Variants in SASH1 observed in about 807,000 individuals in gnomAD.
SASH1 encodes the protein SAM and SH3 domain-containing protein 1.
SASH1 carries 44 observed loss-of-function variants against 125.2 expected under a neutral mutation model. The ratio of observed to expected loss-of-function variants is 0.35; its 90% confidence interval spans 0.28 to 0.45. SASH1 has a LOEUF of 0.45. SASH1 is among the 20% of genes least tolerant of loss of function. The probability of loss-of-function intolerance (pLI) is 1.00; values close to 1 mark genes in which losing one functional copy is unlikely to be tolerated. For synonymous variants in SASH1, 639 were observed against 649.1 expected (o/e 0.98, Z 0.24); for missense variants, 1,426 against 1,614.5 (o/e 0.88, Z 2.00).
At chr6:148,273,879 G>A (rs1437184254) in intron 1 of SASH1, among the ~76,000 whole-genome samples, 2 of 152,206 alleles carry the variant, frequency 1.3e-5, no homozygotes, top group African/African-American at 4.8e-5. Context: ...CTTGTTGAAT[G>A]AAAGTAGAAT....
At chr6:148,376,289 G>GAAC (rs1489541349) in intron 1 of SASH1, among the ~76,000 whole-genome samples, 1 of 151,998 alleles carries the variant, frequency 6.6e-6, no homozygotes, top group Non-Finnish European at 1.5e-5. Flanking sequence ...GGCTGGTCTT[G>GAAC]AACTCCTGAC....
the SASH1 span, among the ~76,000 whole-genome samples, chr6:148,237,977 A>G: frequency 6.6e-6 from 1 of 152,296 alleles, no homozygotes; most frequent in South Asian, 2.1e-4. Flanking sequence ...GTACCATGAG[A>G]ATAGCACACC....
intron 4 of SASH1, among the ~76,000 whole-genome samples, chr6:148,461,843 ATTAC>A (rs900817843): frequency 4.6e-5 from 7 of 152,242 alleles, no homozygotes; most frequent in African/African-American, 1.7e-4. Context: ...AAATTGAGGA[ATTAC>A]TTCTTTAACA....
Position 148,549,880 on chromosome 6 carries a change from G to GCTCA in SASH1, c.*1325_*1328dup. 1 of 237,204 alleles carries GCTCA rather than the reference G, an allele frequency of 4.2e-6. No individual in the cohort carries two copies. The highest frequency in any genetic ancestry group is 7.6e-5 in the East Asian group (1 of 13,226). 14.7% of individuals were successfully genotyped at this position (237,204 alleles called of 1,614,324 possible). A position where few individuals can be genotyped will look rare whatever the true frequency, so the allele number is the denominator to read the frequency against. On this transcript the variant is annotated 3_prime_UTR_variant, in exon 20 of 20. Coordinates refer to ENST00000367467, the MANE Select transcript of SASH1 (RefSeq NM_015278.5). ...GCTGGAGTGCAATGGCACGATCTTGGCTCACTGCAACCTCAGTCTCCCAGG... is the reference window on the plus strand; with the variant it reads ...GCTGGAGTGCAATGGCACGATCTTGGCTCACTCACTGCAACCTCAGTCTCCCAGG...
chr6:148,470,469 G>T (rs777335457), intron 5 of SASH1, among the ~76,000 whole-genome samples: 16 of 152,186 alleles, frequency 1.1e-4, no homozygotes, highest in Admixed American at 1.3e-4. Context: ...TTTTGAATGT[G>T]CCACATCAGC....
At chr6:148,338,322 G>A (rs1781222996), upstream of SASH1, among the ~76,000 whole-genome samples, 1 of 151,214 alleles carries the variant, frequency 6.6e-6, no homozygotes, top group South Asian at 2.1e-4. Flanking sequence ...AGCTACTGGG[G>A]AGACTGAGGC....
At chr6:148,255,190 C>G in the SASH1 span, among the ~76,000 whole-genome samples, 2,888 of 152,236 alleles carry the variant, frequency 0.019, 84 homozygotes, top group African/African-American at 0.066. Context: ...GCTTTAGCAA[C>G]AGAGGTTTCT....
chr6:148,340,981 T>TA (rs1214525111), upstream of SASH1, among the ~76,000 whole-genome samples: 2 of 152,008 alleles, frequency 1.3e-5, no homozygotes, highest in African/African-American at 4.8e-5. Flanking sequence ...ATAAAAAATT[T>TA]AAAAAATTAG....
At chr6:148,369,295 A>G (rs1782615758) in intron 1 of SASH1, among the ~76,000 whole-genome samples, 1 of 152,334 alleles carries the variant, frequency 6.6e-6, no homozygotes, top group East Asian at 1.9e-4. Flanking sequence ...ACTTCTGCAG[A>G]CTGTTTTCAT....
chr6:148,492,481 AG>A (rs1344901814), intron 8 of SASH1, among the ~76,000 whole-genome samples: 1 of 152,208 alleles, frequency 6.6e-6, no homozygotes, highest in Non-Finnish European at 1.5e-5. Flanking sequence ...AGAAAGAGAA[AG>A]GTCCTTTTCT....
At chr6:148,353,753 A>AT (rs1009399782) in intron 1 of SASH1, among the ~76,000 whole-genome samples, 1 of 152,176 alleles carries the variant, frequency 6.6e-6, no homozygotes, top group Non-Finnish European at 1.5e-5. Context: ...TTAACTATTG[A>AT]TTTGATTGAG....
At chr6:148,322,031 T>G (rs932956071) in intron 1 of SASH1, among the ~76,000 whole-genome samples, 2 of 152,216 alleles carry the variant, frequency 1.3e-5, no homozygotes, top group African/African-American at 4.8e-5. Flanking sequence ...TCTGGAATCT[T>G]GGTCTAACAG....
At chr6:148,508,633 G>A in intron 8 of SASH1, 2 of 1,152,978 alleles carry the variant, frequency 1.7e-6, no homozygotes, top group South Asian at 1.8e-5. Flanking sequence ...GAATCAGTCA[G>A]CAAGCAGAAA....
At chr6:148,517,616 A>C (rs2115342834) in intron 9 of SASH1, among the ~76,000 whole-genome samples, 1 of 152,352 alleles carries the variant, frequency 6.6e-6, no homozygotes, top group Non-Finnish European at 1.5e-5. Flanking sequence ...GCCTGCCCTC[A>C]GCACCGGCAG....
At chr6:148,340,781 C>T (rs1434962327), upstream of SASH1, among the ~76,000 whole-genome samples, 1 of 152,198 alleles carries the variant, frequency 6.6e-6, no homozygotes, top group African/African-American at 2.4e-5. Context: ...TCTACTTCAA[C>T]ACAATGCCTC....
intron 1 of SASH1, among the ~76,000 whole-genome samples, chr6:148,382,693 G>A (rs1210280799): frequency 1.3e-5 from 2 of 152,130 alleles, no homozygotes; most frequent in African/African-American, 4.8e-5. Context: ...CTGCCTTCTG[G>A]GAGGCCGTTT....
the SASH1 span, among the ~76,000 whole-genome samples, chr6:148,198,562 A>G: frequency 6.6e-6 from 1 of 152,236 alleles, no homozygotes; most frequent in Non-Finnish European, 1.5e-5. Flanking sequence ...AGAGGTATCC[A>G]GTCCATCTGA....
In SASH1 at chr6:148,544,505, C is replaced by G; in HGVS notation, c.3035C>G (p.Pro1012Arg). Residue 1012 changes from proline (P) to arginine (R), a missense_variant, in exon 18 of 20, where the codon CCC becomes CGC. Pro to Arg is a moderately radical substitution (Grantham distance 103, BLOSUM62 -2). Transcript: ENST00000367467. This position sits in a 1 kb window ranked among gnomAD's most constrained non-coding sequence, Gnocchi z 6.4. ...CCCATGGGCCCCAGTGGGGCCCTCC[C>G]CAGTCCCGATGCGCCATGCCTGCCA... ...PVPMGPSGAL[P>R]SPDAPCLPVK... The G allele has an allele frequency of 6.2e-7, 1 of 1,613,796 alleles. No homozygotes were observed. Among genetic ancestry groups the G allele is most frequent in the Non-Finnish European group, 8.5e-7 (1 of 1,180,030 alleles).
rs1460829040 is a variant in SASH1, at chr6:148,549,449, T to A, written c.*891T>A. On this transcript the variant is annotated 3_prime_UTR_variant, in exon 20 of 20. Coordinates refer to ENST00000367467, the MANE Select transcript of SASH1 (RefSeq NM_015278.5). ...CGTGTGTGTCTGTATTCATAGTGAC[T>A]GCTTTTGGTTTTAACCAGTTTAGTA... is the stretch of plus-strand genomic sequence containing the variant. 2.3e-5 allele frequency: 9 copies of A among 395,140 alleles called. No homozygotes were observed. The allele number at this position is 395,140 out of a possible 1,614,324, so 24.5% of individuals were successfully genotyped here. A position where few individuals can be genotyped will look rare whatever the true frequency, so the allele number is the denominator to read the frequency against.
Sources: allele counts gnomAD v4.1 joint callset (sites outside exome capture counted in the v4.1 genomes callset), GRCh38; gene constraint gnomAD v4.1.1; non-coding constraint Gnocchi (gnomAD v3.1); transcripts MANE v1.5; gene names NCBI Gene and HGNC (gene_info 2026-07-23, HGNC 2026-07-21).